The following SNTB1 variants were observed in gnomAD, a reference collection of about 807,000 sequenced individuals.
SNTB1 encodes the protein syntrophin beta 1, also known as beta-1-syntrophin.
In SNTB1, 36 loss-of-function variants were observed where a neutral mutation model predicts 48.9. That is an observed-to-expected ratio of 0.74 (90% CI 0.56 to 0.97). The LOEUF (loss-of-function observed/expected upper bound fraction) is 0.97. Among genes scored for constraint, SNTB1 ranks in the 50% least tolerant of loss-of-function variants. SNTB1 has a pLI of 0.00. For synonymous variants in SNTB1, 299 were observed against 294.6 expected (o/e 1.01, Z -0.15); for missense variants, 786 against 703.4 (o/e 1.12, Z -1.33).
chr8:120,589,193 ATAC>A (rs964679447), intron 3 of SNTB1, among the ~76,000 whole-genome samples: 8 of 152,232 alleles, frequency 5.3e-5, no homozygotes, highest in African/African-American at 1.9e-4. Context: ...ACTCATTCTG[ATAC>A]TGGATTATAG....
At chr8:120,676,845 C>T (rs1412024768) in intron 2 of SNTB1, among the ~76,000 whole-genome samples, 3 of 151,894 alleles carry the variant, frequency 2.0e-5, no homozygotes, top group African/African-American at 7.3e-5. Flanking sequence ...TGCCTGAGGC[C>T]AGGAGTTCAA....
intron 1 of SNTB1, among the ~76,000 whole-genome samples, chr8:120,735,096 C>T (rs1029166476): frequency 6.6e-6 from 1 of 152,150 alleles, no homozygotes; most frequent in African/African-American, 2.4e-5. Context: ...TGTCATTGCT[C>T]TGGTGCAAGA....
rs190688825 is a variant in SNTB1 at position 120,640,882 on chromosome 8, A to G, written c.789-8231T>C. ...CAGGCTTTGGTATCAGGATGATGCT[A>G]GCCTCATAAAATGAGTTAGGGAGAA... On this transcript the variant is annotated intron_variant, in intron 2 of 6. Transcript: ENST00000517992. Among the ~76,000 whole-genome samples the G allele has an allele frequency of 2.8e-3, 422 of 152,226 alleles. 2 individuals carry two copies. Among genetic ancestry groups the G allele is most frequent in the African/African-American group, 8.9e-3 (370 of 41,546 alleles).
At chr8:120,709,644 A>G (rs927461641) in intron 1 of SNTB1, among the ~76,000 whole-genome samples, 2 of 152,206 alleles carry the variant, frequency 1.3e-5, no homozygotes, top group Non-Finnish European at 2.9e-5. Context: ...CAGAAGTCAA[A>G]TAACTTACCT....
chr8:120,797,122 T>A (rs893604374), intron 1 of SNTB1, among the ~76,000 whole-genome samples: 2 of 152,040 alleles, frequency 1.3e-5, no homozygotes, highest in African/African-American at 4.8e-5. Flanking sequence ...GGAATAGCTG[T>A]AGAAACTTAT....
intron 1 of SNTB1, among the ~76,000 whole-genome samples, chr8:120,765,331 G>A (rs565207518): frequency 5.9e-5 from 9 of 152,328 alleles, no homozygotes; most frequent in African/African-American, 2.2e-4. Context: ...TTGTGGGTAG[G>A]GATTCCAGGA....
chr8:120,591,775 C>T (rs1020726208), intron 3 of SNTB1, among the ~76,000 whole-genome samples: 1 of 152,152 alleles, frequency 6.6e-6, no homozygotes, highest in Non-Finnish European at 1.5e-5. Context: ...CTCAGTTCTC[C>T]TCTTTTCCTC....
At chr8:120,581,088 CAAA>C (rs775547135) in intron 3 of SNTB1, among the ~76,000 whole-genome samples, 5 of 89,992 alleles carry the variant, frequency 5.6e-5, no homozygotes, top group Admixed American at 1.2e-4. Flanking sequence ...GACCCTGTCT[CAAA>C]AAAAAAAAAA....
At chr8:120,780,547 C>T (rs1045686811) in intron 1 of SNTB1, among the ~76,000 whole-genome samples, 1 of 152,180 alleles carries the variant, frequency 6.6e-6, no homozygotes, top group African/African-American at 2.4e-5. Flanking sequence ...TAAGTCAAAG[C>T]CATTTACTTT....
At chr8:120,629,028 G>A (rs925894074) in intron 3 of SNTB1, among the ~76,000 whole-genome samples, 2 of 152,110 alleles carry the variant, frequency 1.3e-5, no homozygotes, top group African/African-American at 4.8e-5. Flanking sequence ...CAGTCGAGGT[G>A]TCAGGTCCGC....
chr8:120,760,308 A>C (rs1331875427), intron 1 of SNTB1, among the ~76,000 whole-genome samples: 3 of 152,020 alleles, frequency 2.0e-5, no homozygotes, highest in Non-Finnish European at 4.4e-5. Flanking sequence ...AAAAAAAAAA[A>C]AAAAACCCTG....
chr8:120,757,622 C>T (rs996438224), intron 1 of SNTB1, among the ~76,000 whole-genome samples: 2 of 152,126 alleles, frequency 1.3e-5, no homozygotes, highest in Admixed American at 1.3e-4. Flanking sequence ...CTAATCACCC[C>T]AGATGTCTCT....
intron 1 of SNTB1, among the ~76,000 whole-genome samples, chr8:120,744,899 A>T (rs1406646670): frequency 6.6e-6 from 1 of 152,194 alleles, no homozygotes; most frequent in Non-Finnish European, 1.5e-5. Context: ...TAGATATCCC[A>T]AGTTCCACAG....
intron 3 of SNTB1, among the ~76,000 whole-genome samples, chr8:120,605,732 T>C (rs1816502822): frequency 6.6e-6 from 1 of 152,088 alleles, no homozygotes; most frequent in South Asian, 2.1e-4. Context: ...CCCAGTGTAA[T>C]ATTAGTGTGA....
chr8:120,767,923 G>A (rs1403452822), intron 1 of SNTB1, among the ~76,000 whole-genome samples: 1 of 152,132 alleles, frequency 6.6e-6, no homozygotes, highest in Non-Finnish European at 1.5e-5. Context: ...TGGATGAAAT[G>A]GGAGATGCCA....
intron 1 of SNTB1, among the ~76,000 whole-genome samples, chr8:120,712,249 C>T (rs1029978603): frequency 2.0e-5 from 3 of 151,812 alleles, no homozygotes; most frequent in East Asian, 3.9e-4. Context: ...CCCATCTCTA[C>T]TAAAAATATA....
intron 2 of SNTB1, among the ~76,000 whole-genome samples, chr8:120,688,804 A>G (rs1818076386): frequency 6.6e-6 from 1 of 152,162 alleles, no homozygotes; most frequent in South Asian, 2.1e-4. Context: ...AATACTGAGG[A>G]GTTTAGATAT....
At chr8:120,658,776 G>A (rs1391276617) in intron 2 of SNTB1, among the ~76,000 whole-genome samples, 1 of 152,148 alleles carries the variant, frequency 6.6e-6, no homozygotes, top group African/African-American at 2.4e-5. Flanking sequence ...TGGCGTGGCT[G>A]TGTCATTTTC....
chr8:120,752,258 A>T lies in SNTB1; in HGVS notation c.572-58350T>A, dbSNP rs1479021413. Among the ~76,000 whole-genome samples the T allele has an allele frequency of 2.0e-5, 3 of 152,132 alleles. No homozygotes were observed. In the East Asian group the frequency reaches 5.8e-4, roughly 29 times the overall value. ...AATGCTGAAGTTAGCACATTATAAT[A>T]TATCTGTGTATATGTATATATGCAT... On this transcript the variant is annotated intron_variant, in intron 1 of 6. Coordinates refer to ENST00000517992, the MANE Select transcript of SNTB1 (RefSeq NM_021021.4).
Sources: allele counts gnomAD v4.1 joint callset (sites outside exome capture counted in the v4.1 genomes callset), GRCh38; gene constraint gnomAD v4.1.1; transcripts MANE v1.5; gene names NCBI Gene and HGNC (gene_info 2026-07-23, HGNC 2026-07-21).